The following KIF17 variants were observed in gnomAD, a reference collection of about 807,000 sequenced individuals.
KIF17 encodes kinesin-like protein KIF17.
KIF17 carries 80 observed loss-of-function variants against 96.8 expected under a neutral mutation model. The observed-to-expected ratio is 0.83, with a 90% CI of 0.69 to 1.00. KIF17 has a LOEUF of 1.00. Among genes scored for constraint, KIF17 ranks in the 50% least tolerant of loss-of-function variants. The pLI is 0.00. For missense variants in KIF17, 1,280 were observed against 1,372.9 expected, an observed-to-expected ratio of 0.93 and a Z score of 1.07; for synonymous variants, 567 against 587.5, an observed-to-expected ratio of 0.97 and a Z score of 0.51.
rs200690761 is a variant in KIF17, at chr1:20,687,605, C to G, written c.1721G>C (p.Arg574Thr). ...VSMPTEESRS[R>T]YFLDECLGQE... The stretch of plus-strand genomic sequence containing the variant: ...CCCGAGGCACTCATCCAGGAAGTAT[C>G]TGCTCCTGGACTCCTCAGTGGGCAT... The change falls in exon 8 of 15, where the codon AGA becomes ACA. Residue 574 changes from arginine to threonine, a missense_variant. Physicochemically the swap from Arg to Thr is moderately conservative, Grantham distance 71. Coordinates refer to ENST00000400463, the MANE Select transcript of KIF17 (RefSeq NM_001122819.3). The surrounding 1 kb of genome is among the most constrained non-coding windows in gnomAD (Gnocchi z 4.4). 1.9e-5 allele frequency: 30 copies of G among 1,614,142 alleles called. No homozygotes were observed. In the South Asian group the frequency reaches 2.2e-4, roughly 12 times the overall value.
rs758988759 is a variant in KIF17 at position 20,685,999 on chromosome 1, T to C, written c.2019+47A>G. 4.1e-5 allele frequency: 59 copies of C among 1,447,726 alleles called. No homozygotes were observed. The highest frequency in any genetic ancestry group is 5.2e-5 in the Non-Finnish European group (55 of 1,052,872). The allele number at this position is 1,447,726 out of a possible 1,614,324, so 89.7% of individuals were successfully genotyped here. On this transcript the variant is annotated intron_variant, in intron 9 of 14. Transcript: ENST00000400463. This position sits in a 1 kb window ranked among gnomAD's most constrained non-coding sequence, Gnocchi z 4.1. ...AGACAAGCTGGAGTTTCCCAGGAAG[T>C]TGAAGAGAACCCCGTCCCCCACATG...
At chr1:20,703,534 G>A (rs576788996) in intron 5 of KIF17, among the ~76,000 whole-genome samples, 2 of 150,896 alleles carry the variant, frequency 1.3e-5, no homozygotes, top group Non-Finnish European at 3.0e-5. Flanking sequence ...ATGGATAGAT[G>A]TATAGGTGGG....
chr1:20,684,364 G>A (rs373671060), intron 10 of KIF17, among the ~76,000 whole-genome samples: 8 of 152,218 alleles, frequency 5.3e-5, no homozygotes, highest in East Asian at 1.9e-4. Context: ...CATCATTAAC[G>A]GAAGTGAGAA....
intron 10 of KIF17, among the ~76,000 whole-genome samples, chr1:20,683,534 A>G (rs2053870681): frequency 6.6e-6 from 1 of 152,126 alleles, no homozygotes; most frequent in African/African-American, 2.4e-5. Flanking sequence ...GCACACCTGT[A>G]ATCCCAGCTA....
intron 2 of KIF17, among the ~76,000 whole-genome samples, chr1:20,714,013 C>T (rs2054531047): frequency 1.3e-5 from 2 of 151,992 alleles, no homozygotes; most frequent in South Asian, 2.1e-4. Flanking sequence ...AAGGTGAAAC[C>T]CCCGTCTCTA....
chr1:20,671,851 A>G, intron 12 of KIF17, 87 bp downstream of exon 12: 4 of 1,511,946 alleles, frequency 2.6e-6, no homozygotes, highest in Non-Finnish European at 3.6e-6. Flanking sequence ...CACAGCCTGC[A>G]AGGAGAGGCC....
chr1:20,717,715 G>A lies in KIF17; in HGVS notation c.-9C>T. The A allele has an allele frequency of 1.3e-6, 2 of 1,563,732 alleles. No homozygotes were observed. The highest frequency in any genetic ancestry group is 1.7e-6 in the Non-Finnish European group (2 of 1,161,286). ...ACCGCCTCGGAGGCCATGGCGCCGC[G>A]CCCAGGACCAACGGGACCAGAGCTG... On this transcript the variant is annotated 5_prime_UTR_variant, in exon 1 of 15. Transcript: ENST00000400463.
chr1:20,708,826 G>A (rs1348663861), intron 4 of KIF17, among the ~76,000 whole-genome samples: 1 of 152,118 alleles, frequency 6.6e-6, no homozygotes, highest in Non-Finnish European at 1.5e-5. Context: ...AATAAACATG[G>A]ATTTCTTTCC....
intron 10 of KIF17, 143 bp downstream of exon 10, chr1:20,684,666 C>A: frequency 2.5e-6 from 2 of 792,140 alleles, no homozygotes; most frequent in Non-Finnish European, 4.1e-6. Context: ...GTCCCCACTG[C>A]GCCTGGAGAG....
In KIF17 at chr1:20,704,534, T is replaced by C; in HGVS notation, c.1036A>G (p.Lys346Glu). 1 of 1,614,204 alleles carries C rather than the reference T, an allele frequency of 6.2e-7. No individual in the cohort carries two copies. The highest frequency in any genetic ancestry group is 2.2e-5 in the East Asian group (1 of 44,872). ...RNKPRINEDP[K>E]DALLREYQEE... ...TGGTACTCGCGAAGCAGCGCATCCT[T>C]GGGGTCCTCATTGATGCGCGGCTTG... The change falls in exon 5 of 15, where the codon AAG (lysine) becomes GAG (glutamate). Residue 346 changes from lysine to glutamate, a missense_variant. Physicochemically the swap from Lys to Glu is moderately conservative, Grantham distance 56. Coordinates refer to ENST00000400463, the MANE Select transcript of KIF17 (RefSeq NM_001122819.3). The surrounding 1 kb of genome is among the most constrained non-coding windows in gnomAD (Gnocchi z 6.8).
intron 6 of KIF17, among the ~76,000 whole-genome samples, chr1:20,695,400 C>T (rs1387126477): frequency 6.6e-6 from 1 of 152,120 alleles, no homozygotes; most frequent in Non-Finnish European, 1.5e-5. Flanking sequence ...GTTGGCCAGG[C>T]TTGGTCTTGA....
In KIF17 at chr1:20,717,804, G is replaced by A. The variant is rs966970177; in HGVS notation, c.-98C>T. The A allele has an allele frequency of 1.5e-6, 2 of 1,315,244 alleles. No homozygotes were observed. The highest frequency in any genetic ancestry group is 1.9e-6 in the Non-Finnish European group (2 of 1,030,670). The allele number at this position is 1,315,244 out of a possible 1,614,324, so 81.5% of individuals were successfully genotyped here. A position where few individuals can be genotyped will look rare whatever the true frequency, so the allele number is the denominator to read the frequency against. On this transcript the variant is annotated 5_prime_UTR_variant, in exon 1 of 15. Transcript: ENST00000400463. ...AGGGGCGGGGCCAGCGCCGGCCACG[G>A]GGGGCGGGGCCTTGAGGCAGGGGCG... is the stretch of plus-strand genomic sequence containing the variant.
chr1:20,675,320 T>C (rs759689141), intron 11 of KIF17, among the ~76,000 whole-genome samples: 6 of 151,344 alleles, frequency 4.0e-5, no homozygotes, highest in South Asian at 2.1e-4. Flanking sequence ...TCTTGGTGGG[T>C]GCCTGTAGTC....
rs1553153023 is a variant in KIF17 at position 20,712,868 on chromosome 1, G to GATATTATCTATAATATAGAT, written c.480+585_480+586insATCTATATTATAGATAATAT. On this transcript the variant is annotated intron_variant, in intron 3 of 14. Transcript: ENST00000400463. ...TATAGATAATATTATCTATATTATA[G>GATATTATCTATAATATAGAT]ATATTATCTATATATAATATAGATA... 9.0e-3 allele frequency among the ~76,000 whole-genome samples: 290 copies of GATATTATCTATAATATAGAT among 32,240 alleles called. 18 individuals are homozygous for GATATTATCTATAATATAGAT. Among genetic ancestry groups the GATATTATCTATAATATAGAT allele is most frequent in the African/African-American group, 0.034 (273 of 7,996 alleles). 21.2% of individuals were successfully genotyped at this position (32,240 alleles called of 152,430 possible). A position where few individuals can be genotyped will look rare whatever the true frequency, so the allele number is the denominator to read the frequency against.
At position 20,671,897 on chromosome 1, in the gene KIF17, G is replaced by A. The variant is rs756526810; in HGVS notation, c.2722+41C>T. The stretch of plus-strand genomic sequence containing the variant: ...GCCAGTCTGCAGGATGGTAAGCCGT[G>A]AAGGAGGGAGGGGAGGGCAAGGGCC... On this transcript the variant is annotated intron_variant, in intron 12 of 14. Coordinates refer to ENST00000400463, the MANE Select transcript of KIF17 (RefSeq NM_001122819.3). 9.3e-6 allele frequency: 15 copies of A among 1,604,650 alleles called. No homozygotes were observed. In the South Asian group the frequency reaches 9.9e-5, roughly 11 times the overall value.
chr1:20,698,570 C>A (rs553670850), intron 5 of KIF17, 82 bp from the exon 6 acceptor site: 2 of 884,946 alleles, frequency 2.3e-6, no homozygotes, highest in East Asian at 2.5e-5. Flanking sequence ...AAAAAGACGA[C>A]CTCATGGTCA....
rs1035845925 is a variant in KIF17, at chr1:20,685,405, G to C, written c.2020-385C>G. 1 of 399,130 alleles carries C rather than the reference G, an allele frequency of 2.5e-6. No homozygotes were observed. The highest frequency in any genetic ancestry group is 3.3e-5 in the Admixed American group (1 of 29,952). 24.7% of individuals were successfully genotyped at this position (399,130 alleles called of 1,614,324 possible). ...GCTCCCTGCCTCCACGGCCTCCCCC[G>C]CCACCGTGGCCTCCTTTTCCATTGC... On this transcript the variant is annotated intron_variant, in intron 9 of 14. Transcript: ENST00000400463. The surrounding 1 kb of genome is among the most constrained non-coding windows in gnomAD (Gnocchi z 4.1).
intron 14 of KIF17, among the ~76,000 whole-genome samples, chr1:20,665,748 C>A (rs2053515781): frequency 6.6e-6 from 1 of 152,196 alleles, no homozygotes; most frequent in South Asian, 2.1e-4. Flanking sequence ...GCGGGCTTTG[C>A]TTTCAGTTTT....
chr1:20,664,467 A>G lies in KIF17; in HGVS notation c.*117T>C. ...GAATGTGTCTTCCCAGGGCTGAGGG[A>G]GCCCTCAGGCCCCGGAGCGCTGTGT... On this transcript the variant is annotated 3_prime_UTR_variant, in exon 15 of 15. Coordinates refer to ENST00000400463, the MANE Select transcript of KIF17 (RefSeq NM_001122819.3). 1.9e-6 allele frequency: 3 copies of G among 1,596,006 alleles called. No individual in the cohort carries two copies. Among genetic ancestry groups the G allele is most frequent in the South Asian group, 2.2e-5 (2 of 89,448 alleles).
Sources: gnomAD v4.1 joint callset for allele counts (sites outside exome capture counted in the v4.1 genomes callset) on GRCh38, gnomAD v4.1.1 for gene constraint, Gnocchi (gnomAD v3.1) non-coding constraint, MANE v1.5 for transcripts, NCBI Gene and HGNC (gene_info 2026-07-23, HGNC 2026-07-21) for gene names.